GBP7: variants seen among roughly 807,000 people sequenced by gnomAD.
GBP7 encodes the protein guanylate-binding protein 7.
Under a neutral mutation model 61.3 loss-of-function variants are expected in GBP7, and 43 were observed. The observed-to-expected ratio is 0.70, with a 90% CI of 0.55 to 0.91. The LOEUF (loss-of-function observed/expected upper bound fraction) is 0.91, where lower values mean the gene tolerates loss of function less well. GBP7 is among the 40% of genes least tolerant of loss of function. The pLI is 0.00. For synonymous variants in GBP7, 267 were observed against 271.0 expected (o/e 0.99, Z 0.14); for missense variants, 717 against 740.5 (o/e 0.97, Z 0.37).
At chr1:89,165,381 T>C (rs908554696) in intron 2 of GBP7, among the ~76,000 whole-genome samples, 1 of 151,972 alleles carries the variant, frequency 6.6e-6, no homozygotes, top group Admixed American at 6.6e-5. Flanking sequence ...ACGCCTGTAG[T>C]CCCAGCTACT....
intron 3 of GBP7, among the ~76,000 whole-genome samples, chr1:89,158,530 A>G (rs1441150271): frequency 1.3e-5 from 2 of 152,250 alleles, no homozygotes; most frequent in Non-Finnish European, 2.9e-5. Flanking sequence ...TACAAAATCA[A>G]TGTACAAAAA....
chr1:89,174,552 T>G (rs537704450), intron 1 of GBP7, among the ~76,000 whole-genome samples: 4 of 152,320 alleles, frequency 2.6e-5, no homozygotes, highest in South Asian at 2.1e-4. Context: ...TGGGAAACAT[T>G]GTGTTATACA....
Position 89,145,009 on chromosome 1 carries a change from G to A in GBP7, c.1365+2558C>T, listed in dbSNP as rs10922578. ...CGCTCTGTCACCAAGGTGGAGTGCA[G>A]TGGTGCGATCTCGGTTCACTGCAAC... On this transcript the variant is annotated intron_variant, in intron 8 of 10. Coordinates refer to ENST00000294671, the MANE Select transcript of GBP7 (RefSeq NM_207398.3). 3.3e-3 allele frequency among the ~76,000 whole-genome samples: 476 copies of A among 146,186 alleles called. 4 individuals are homozygous for A. The highest frequency in any genetic ancestry group is 0.012 in the African/African-American group (459 of 39,134).
intron 9 of GBP7, among the ~76,000 whole-genome samples, chr1:89,139,471 T>G (rs1209608854): frequency 6.6e-6 from 1 of 152,202 alleles, no homozygotes; most frequent in African/African-American, 2.4e-5. Flanking sequence ...AAAGAGCTTC[T>G]GCACAGCAAA....
chr1:89,139,615 T>C (rs1427787845), intron 9 of GBP7, among the ~76,000 whole-genome samples: 3 of 151,948 alleles, frequency 2.0e-5, no homozygotes, highest in Non-Finnish European at 4.4e-5. Flanking sequence ...AACAACCCCA[T>C]CAAAAAGTGG....
chr1:89,151,753 T>A (rs911096297), intron 5 of GBP7, among the ~76,000 whole-genome samples: 16 of 152,184 alleles, frequency 1.1e-4, no homozygotes, highest in African/African-American at 3.4e-4. Context: ...ATTTTTTTTT[T>A]AATTTCCTGA....
At chr1:89,169,121 G>GT (rs888832005) in intron 2 of GBP7, among the ~76,000 whole-genome samples, 29 of 152,240 alleles carry the variant, frequency 1.9e-4, no homozygotes, top group African/African-American at 6.0e-4. Flanking sequence ...AACTTATTCT[G>GT]TTTTTTCAGA....
rs10710842 is a variant in GBP7 at position 89,152,789 on chromosome 1, GAA to G, written c.319-14_319-13del. 51,306 of 1,225,322 alleles carry G rather than the reference GAA, an allele frequency of 0.042. 180 individuals are homozygous for G. Among genetic ancestry groups the G allele is most frequent in the African/African-American group, 0.11 (7,006 of 62,242 alleles). The allele number at this position is 1,225,322 out of a possible 1,614,324, so 75.9% of individuals were successfully genotyped here. A position where few individuals can be genotyped will look rare whatever the true frequency, so the allele number is the denominator to read the frequency against. Reference sequence around the variant, plus strand: ...CTCTTAGGGTCACTCTAGTGTTAAAGAAAAAAAAAAAAAAAATGGAAGCCACA... The same window carrying G: ...CTCTTAGGGTCACTCTAGTGTTAAAGAAAAAAAAAAAAAATGGAAGCCACA... On this transcript the variant is annotated splice_polypyrimidine_tract_variant and intron_variant, in intron 3 of 10. Coordinates refer to ENST00000294671, the MANE Select transcript of GBP7 (RefSeq NM_207398.3).
chr1:89,160,566 A>G (rs1480886070), intron 3 of GBP7, among the ~76,000 whole-genome samples: 2 of 152,130 alleles, frequency 1.3e-5, no homozygotes, highest in African/African-American at 2.4e-5. Context: ...ATAATAGTAC[A>G]TATTTCATAG....
chr1:89,161,385 C>A (rs1379200296), intron 3 of GBP7, among the ~76,000 whole-genome samples: 1 of 152,154 alleles, frequency 6.6e-6, no homozygotes, highest in East Asian at 1.9e-4. Flanking sequence ...TTTACACTCC[C>A]ACCAACAATG....
At chr1:89,165,779 C>A (rs1361345887) in intron 2 of GBP7, among the ~76,000 whole-genome samples, 1 of 149,152 alleles carries the variant, frequency 6.7e-6, no homozygotes, top group Non-Finnish European at 1.5e-5. Context: ...GGGGTGGGGG[C>A]TAGGGGAGGG....
chr1:89,151,131 T>G (rs966172609), intron 5 of GBP7, among the ~76,000 whole-genome samples: 1 of 152,202 alleles, frequency 6.6e-6, no homozygotes, highest in Admixed American at 6.5e-5. Flanking sequence ...ATAGTTCTCC[T>G]GCAGTATATT....
At chr1:89,157,905 C>CA (rs966908190) in intron 3 of GBP7, among the ~76,000 whole-genome samples, 1 of 151,870 alleles carries the variant, frequency 6.6e-6, no homozygotes, top group African/African-American at 2.4e-5. Flanking sequence ...GACACAACAG[C>CA]AAAAAAAGAG....
At chr1:89,133,540 C>A in intron 9 of GBP7, 89 bp from the exon 10 acceptor site, 2 of 1,037,674 alleles carry the variant, frequency 1.9e-6, no homozygotes, top group South Asian at 1.4e-5. Flanking sequence ...TCAGGAAGAG[C>A]TTCTCCCACT....
At chr1:89,169,078 C>T (rs1183579733) in intron 2 of GBP7, among the ~76,000 whole-genome samples, 3 of 152,176 alleles carry the variant, frequency 2.0e-5, no homozygotes, top group African/African-American at 4.8e-5. Flanking sequence ...AATGGAAAAT[C>T]TCAAAAGGTT....
In GBP7 at chr1:89,138,336, C is replaced by A. The variant is rs1428270849; in HGVS notation, c.1468+3210G>T. ...TAACATCCACATGGAACAACAACAA[C>A]AAAAAAACCCCGAGTAGCCAAGGCA... is the stretch of plus-strand genomic sequence containing the variant. On this transcript the variant is annotated intron_variant, in intron 9 of 10. Transcript: ENST00000294671. Among the ~76,000 whole-genome samples the A allele has an allele frequency of 4.7e-5, 7 of 150,532 alleles. No individual in the cohort carries two copies. The South Asian group carries it at 1.0e-3, about 22-fold the overall frequency.
intron 3 of GBP7, among the ~76,000 whole-genome samples, chr1:89,158,058 C>T (rs1472865392): frequency 2.6e-5 from 4 of 152,092 alleles, no homozygotes; most frequent in Non-Finnish European, 5.9e-5. Context: ...TGGTTCAACA[C>T]ATGCAAATCA....
Position 89,152,249 on chromosome 1 carries a change from C to T in GBP7, c.625+19G>A. 1 of 1,610,086 alleles carries T rather than the reference C, an allele frequency of 6.2e-7. No individual in the cohort carries two copies. The highest frequency in any genetic ancestry group is 1.3e-5 in the African/African-American group (1 of 74,994). ...CACCCGCTACTGAACCTTCTCCCAT[C>T]TAGGCCATGCTCTGATACCTGAAAT... On this transcript the variant is annotated intron_variant, in intron 5 of 10. Coordinates refer to ENST00000294671, the MANE Select transcript of GBP7 (RefSeq NM_207398.3).
At position 89,152,323 on chromosome 1, in the gene GBP7, A is replaced by G. The variant is rs540928843; in HGVS notation, c.570T>C (p.Asp190=). ...VRDFTLELKL[D]GHPITEDEYL... is the part of the protein sequence containing the mutation. ...ACTCATCTTCTGTGATGGGGTGTCCATCTAACTTCAGCTCCAGGGTAAAAT... is the reference window on the plus strand; with the variant it reads ...ACTCATCTTCTGTGATGGGGTGTCCGTCTAACTTCAGCTCCAGGGTAAAAT... Residue 190 remains aspartate, a synonymous_variant, in exon 5 of 11, where the codon GAT becomes GAC. Coordinates refer to ENST00000294671, the MANE Select transcript of GBP7 (RefSeq NM_207398.3). 9.9e-6 allele frequency: 16 copies of G among 1,614,028 alleles called. No homozygotes were observed. The highest frequency in any genetic ancestry group is 1.7e-5 in the Admixed American group (1 of 59,998).
Sources: gnomAD v4.1 joint callset for allele counts (sites outside exome capture counted in the v4.1 genomes callset) on GRCh38, gnomAD v4.1.1 for gene constraint, MANE v1.5 for transcripts, NCBI Gene and HGNC (gene_info 2026-07-23, HGNC 2026-07-21) for gene names.